LAMA2: variants seen among roughly 807,000 people sequenced by gnomAD.
The protein encoded by LAMA2 is laminin subunit alpha-2.
In LAMA2, 269 loss-of-function variants were observed where a neutral mutation model predicts 364.8. That is an observed-to-expected ratio of 0.74 (90% CI 0.67 to 0.82). LAMA2 has a LOEUF of 0.82. Among genes scored for constraint, LAMA2 ranks in the 40% least tolerant of loss-of-function variants. The pLI, the probability that LAMA2 is intolerant of heterozygous loss-of-function variation, is 0.00. For synonymous variants in LAMA2, 1,379 were observed against 1,370.6 expected, an observed-to-expected ratio of 1.01 and a Z score of -0.14; for missense variants, 3,807 against 3,873.2, an observed-to-expected ratio of 0.98 and a Z score of 0.45.
At chr6:129,074,082 C>A (rs1773483176) in intron 3 of LAMA2, among the ~76,000 whole-genome samples, 1 of 152,248 alleles carries the variant, frequency 6.6e-6, no homozygotes, top group East Asian at 1.9e-4. Context: ...ACTCTTAGTT[C>A]TAGGGATAGA....
At chr6:129,417,347 G>C (rs1780849779) in intron 40 of LAMA2, among the ~76,000 whole-genome samples, 1 of 152,044 alleles carries the variant, frequency 6.6e-6, no homozygotes, top group African/African-American at 2.4e-5. Flanking sequence ...CCTCAACAGA[G>C]GTGAGACACA....
At chr6:129,115,532 C>T (rs893872770) in intron 4 of LAMA2, among the ~76,000 whole-genome samples, 1 of 152,068 alleles carries the variant, frequency 6.6e-6, no homozygotes, top group Non-Finnish European at 1.5e-5. Context: ...GTCTAACAGC[C>T]TCCTTAGGAA....
intron 56 of LAMA2, chr6:129,491,147 G>A (rs920273422): frequency 6.6e-6 from 1 of 152,250 alleles, no homozygotes; most frequent in African/African-American, 2.4e-5. Context: ...ATAGCACCAT[G>A]ATGACTGTTA....
At chr6:129,093,073 C>T (rs1057400534) in intron 3 of LAMA2, among the ~76,000 whole-genome samples, 2 of 150,948 alleles carry the variant, frequency 1.3e-5, no homozygotes, top group Admixed American at 6.6e-5. Flanking sequence ...CCTCCGCCTT[C>T]CGATTTTCAA....
At chr6:129,262,920 G>T (rs776645385) in intron 15 of LAMA2, among the ~76,000 whole-genome samples, 2 of 152,114 alleles carry the variant, frequency 1.3e-5, no homozygotes, top group Admixed American at 1.3e-4. Flanking sequence ...TTCATTTGGG[G>T]CCATAGTGTT....
At chr6:129,339,417 G>T (rs2114560862) in intron 29 of LAMA2, among the ~76,000 whole-genome samples, 1 of 152,164 alleles carries the variant, frequency 6.6e-6, no homozygotes, top group East Asian at 1.9e-4. Context: ...TCAAATTTAA[G>T]ACGCTTCTGT....
intron 3 of LAMA2, among the ~76,000 whole-genome samples, chr6:129,062,788 A>G (rs1052477142): frequency 6.6e-6 from 1 of 152,146 alleles, no homozygotes; most frequent in African/African-American, 2.4e-5. Flanking sequence ...ATAAATTTCA[A>G]CAAGTGCCAG....
intron 38 of LAMA2, among the ~76,000 whole-genome samples, chr6:129,401,617 C>T (rs777375461): frequency 6.6e-6 from 1 of 152,184 alleles, no homozygotes; most frequent in Non-Finnish European, 1.5e-5. Context: ...CCTAGAGCAG[C>T]ACTTACAATC....
intron 1 of LAMA2, among the ~76,000 whole-genome samples, chr6:128,938,571 C>T (rs1005851079): frequency 6.6e-6 from 1 of 152,152 alleles, no homozygotes. Context: ...TCTGTCTCCC[C>T]TGTTGACTAT....
chr6:128,970,940 G>A (rs962211611), intron 1 of LAMA2, among the ~76,000 whole-genome samples: 3 of 152,120 alleles, frequency 2.0e-5, no homozygotes, highest in African/African-American at 7.2e-5. Context: ...GGGTAGTGAT[G>A]GTTTTACTGG....
chr6:129,097,216 A>G (rs150431489), intron 3 of LAMA2, among the ~76,000 whole-genome samples: 17 of 152,344 alleles, frequency 1.1e-4, no homozygotes, highest in African/African-American at 3.8e-4. Flanking sequence ...CATTATTACA[A>G]TATATTAACA....
intron 3 of LAMA2, among the ~76,000 whole-genome samples, chr6:129,084,849 G>A (rs1774278990): frequency 6.6e-6 from 1 of 152,010 alleles, no homozygotes; most frequent in Non-Finnish European, 1.5e-5. Flanking sequence ...ACAGAGTCTT[G>A]GCTTCATAAT....
At chr6:129,113,275 CTT>C (rs369376381) in intron 4 of LAMA2, among the ~76,000 whole-genome samples, 5 of 152,018 alleles carry the variant, frequency 3.3e-5, no homozygotes, top group South Asian at 4.1e-4. Context: ...CATTGACAAT[CTT>C]TTAATAATTT....
chr6:129,320,028 G>A (rs1583486098), intron 27 of LAMA2, among the ~76,000 whole-genome samples: 1 of 152,204 alleles, frequency 6.6e-6, no homozygotes, highest in South Asian at 2.1e-4. Context: ...AGCTACTCAG[G>A]AGGCTGAGGC....
At chr6:128,931,615 T>A (rs1252022516) in intron 1 of LAMA2, among the ~76,000 whole-genome samples, 1 of 152,188 alleles carries the variant, frequency 6.6e-6, no homozygotes, top group Non-Finnish European at 1.5e-5. Flanking sequence ...GAATAGTACA[T>A]ATCAAAGGGT....
chr6:129,054,664 T>C (rs917774484), intron 2 of LAMA2, among the ~76,000 whole-genome samples: 1 of 148,328 alleles, frequency 6.7e-6, no homozygotes. Context: ...ACATGAAATA[T>C]ATGATATGTA....
chr6:129,393,027 G>A lies in LAMA2; in HGVS notation c.5235-18G>A, dbSNP rs188365084. ...GACATGAGCTCATTGTCTATTATTGGGCTGGGGGTGGTTACAGAGCTGCAG... is the reference window on the plus strand; with the variant it reads ...GACATGAGCTCATTGTCTATTATTGAGCTGGGGGTGGTTACAGAGCTGCAG... On this transcript the variant is annotated intron_variant, in intron 36 of 64. Transcript: ENST00000421865. The A allele has an allele frequency of 1.2e-6, 2 of 1,606,088 alleles. No homozygotes were observed. The highest frequency in any genetic ancestry group is 4.5e-5 in the East Asian group (2 of 44,836).
chr6:128,964,129 C>G (rs907691379), intron 1 of LAMA2, among the ~76,000 whole-genome samples: 1 of 151,802 alleles, frequency 6.6e-6, no homozygotes, highest in Non-Finnish European at 1.5e-5. Context: ...GAATTGTTGT[C>G]GACTGAAATG....
intron 18 of LAMA2, 45 bp from the exon 19 acceptor site, chr6:129,287,802 A>T (rs780985060): frequency 6.8e-7 from 1 of 1,472,428 alleles, no homozygotes; most frequent in Non-Finnish European, 9.5e-7. Context: ...CATTGCCCCA[A>T]CTGAGGTCCC....
Sources: allele counts gnomAD v4.1 joint callset (sites outside exome capture counted in the v4.1 genomes callset), GRCh38; gene constraint gnomAD v4.1.1; transcripts MANE v1.5; gene names NCBI Gene and HGNC (gene_info 2026-07-23, HGNC 2026-07-21).